The following NRG1 variants were observed in gnomAD, a reference collection of about 807,000 sequenced individuals.
NRG1 encodes the protein pro-neuregulin-1, membrane-bound isoform.
A neutral mutation model predicts 63.8 loss-of-function variants in NRG1; 18 were observed. The observed-to-expected ratio is 0.28, with a 90% CI of 0.19 to 0.42. The LOEUF is 0.42. Among genes scored for constraint, NRG1 ranks in the 10% least tolerant of loss-of-function variants. NRG1 has a pLI of 1.00. For missense variants in NRG1, 762 were observed against 814.7 expected, an observed-to-expected ratio of 0.94 and a Z score of 0.79; for synonymous variants, 302 against 301.3, an observed-to-expected ratio of 1.00 and a Z score of -0.02.
intron 1 of NRG1, among the ~76,000 whole-genome samples, chr8:31,823,069 T>C (rs1381284270): frequency 4.0e-5 from 6 of 151,208 alleles, no homozygotes; most frequent in African/African-American, 1.5e-4. Flanking sequence ...CAAAGGTATG[T>C]GTGTGTGTGG....
At chr8:32,401,606 C>A (rs1196275043) in intron 1 of NRG1, among the ~76,000 whole-genome samples, 1 of 152,132 alleles carries the variant, frequency 6.6e-6, no homozygotes, top group Non-Finnish European at 1.5e-5. Flanking sequence ...GAGCTGGAGG[C>A]CATTATCCTT....
At chr8:32,249,620 TGAGTAC>T (rs1397883250) in intron 1 of NRG1, among the ~76,000 whole-genome samples, 1 of 152,054 alleles carries the variant, frequency 6.6e-6, no homozygotes, top group Non-Finnish European at 1.5e-5. Flanking sequence ...AGAAATCAAG[TGAGTAC>T]TAAAACCTTG....
chr8:32,643,945 G>T (rs1359947400), intron 5 of NRG1, among the ~76,000 whole-genome samples: 1 of 152,076 alleles, frequency 6.6e-6, no homozygotes. Context: ...ATAATCAAAT[G>T]CACCCTTTTG....
chr8:31,964,768 CA>C, intron 1 of NRG1, among the ~76,000 whole-genome samples: 1 of 152,284 alleles, frequency 6.6e-6, no homozygotes, highest in South Asian at 2.1e-4. Context: ...TTATTCCCTG[CA>C]AGCTACGAGT....
chr8:31,704,282 C>T (rs992475978), intron 1 of NRG1, among the ~76,000 whole-genome samples: 5 of 152,066 alleles, frequency 3.3e-5, no homozygotes, highest in African/African-American at 1.2e-4. Context: ...ATATTACATG[C>T]TTCTGGAATA....
chr8:31,772,851 A>G (rs1031890683), intron 1 of NRG1, among the ~76,000 whole-genome samples: 1 of 152,184 alleles, frequency 6.6e-6, no homozygotes, highest in Non-Finnish European at 1.5e-5. Flanking sequence ...AAGCCACCTT[A>G]ATTTAGAGCA....
intron 1 of NRG1, among the ~76,000 whole-genome samples, chr8:32,183,252 T>C (rs1398521403): frequency 6.6e-6 from 1 of 152,170 alleles, no homozygotes; most frequent in East Asian, 1.9e-4. Context: ...AGGGGATTTA[T>C]GAGTCACAAA....
intron 1 of NRG1, among the ~76,000 whole-genome samples, chr8:31,937,635 A>T (rs1163460181): frequency 6.6e-6 from 1 of 152,148 alleles, no homozygotes; most frequent in Non-Finnish European, 1.5e-5. Flanking sequence ...AGCCCTGATC[A>T]TCTGCTGCCT....
chr8:31,864,226 G>C (rs1563500022), intron 1 of NRG1, among the ~76,000 whole-genome samples: 1 of 152,144 alleles, frequency 6.6e-6, no homozygotes, highest in Non-Finnish European at 1.5e-5. Flanking sequence ...ATGTGTGCTT[G>C]GCACTGAGCT....
chr8:32,520,559 C>A (rs930666829), intron 1 of NRG1, among the ~76,000 whole-genome samples: 2 of 152,112 alleles, frequency 1.3e-5, no homozygotes, highest in African/African-American at 4.8e-5. Flanking sequence ...AAAGCTCTTA[C>A]TAAAGTGCCA....
intron 1 of NRG1, among the ~76,000 whole-genome samples, chr8:32,592,748 AG>A (rs528259587): frequency 7.1e-4 from 108 of 152,216 alleles, no homozygotes; most frequent in Non-Finnish European, 1.2e-3. Context: ...TGGAGTGGTA[AG>A]GGGGGAAACA....
intron 1 of NRG1, among the ~76,000 whole-genome samples, chr8:32,416,123 A>G (rs1815875625): frequency 6.6e-6 from 1 of 152,228 alleles, no homozygotes; most frequent in Non-Finnish European, 1.5e-5. Context: ...CCATTTGGAT[A>G]GTTATGTTTG....
chr8:32,745,485 G>A (rs1398998151), intron 7 of NRG1, among the ~76,000 whole-genome samples: 1 of 152,100 alleles, frequency 6.6e-6, no homozygotes, highest in African/African-American at 2.4e-5. Context: ...TATAAAAACT[G>A]ACTTAAAATA....
At chr8:32,047,347 A>G (rs992662742) in intron 1 of NRG1, among the ~76,000 whole-genome samples, 1 of 152,018 alleles carries the variant, frequency 6.6e-6, no homozygotes. Flanking sequence ...ACGTTTTTTC[A>G]TGATTTCAAT....
chr8:32,182,447 A>G (rs951453679), intron 1 of NRG1, among the ~76,000 whole-genome samples: 1 of 152,146 alleles, frequency 6.6e-6, no homozygotes, highest in Non-Finnish European at 1.5e-5. Flanking sequence ...GAGTTTCACC[A>G]TGTTGGCCAG....
At chr8:32,714,403 G>T (rs1234451380) in intron 5 of NRG1, among the ~76,000 whole-genome samples, 1 of 152,172 alleles carries the variant, frequency 6.6e-6, no homozygotes, top group East Asian at 1.9e-4. Flanking sequence ...TAATAGTATT[G>T]TTAACTATTG....
At chr8:32,460,840 A>G (rs1484942232) in intron 1 of NRG1, among the ~76,000 whole-genome samples, 1 of 152,204 alleles carries the variant, frequency 6.6e-6, no homozygotes, top group Non-Finnish European at 1.5e-5. Flanking sequence ...AGACTTATCT[A>G]AGAAATAAAG....
At chr8:32,544,677 A>ATT (rs1832899100), upstream of NRG1, among the ~76,000 whole-genome samples, 3 of 92,018 alleles carry the variant, frequency 3.3e-5, no homozygotes, top group Non-Finnish European at 4.5e-5. Context: ...TAATTTTTGT[A>ATT]TCTTTTTTTT....
intron 1 of NRG1, among the ~76,000 whole-genome samples, chr8:31,953,601 G>T (rs1471945745): frequency 1.3e-5 from 2 of 152,114 alleles, no homozygotes; most frequent in African/African-American, 2.4e-5. Context: ...GATCATCCTA[G>T]GAGAAAGAGT....
Sources: allele counts gnomAD v4.1 joint callset (sites outside exome capture counted in the v4.1 genomes callset), GRCh38; gene constraint gnomAD v4.1.1; transcripts MANE v1.5; gene names NCBI Gene and HGNC (gene_info 2026-07-23, HGNC 2026-07-21).